The following LPL variants were observed in gnomAD, a reference collection of about 807,000 sequenced individuals.
The protein encoded by LPL is phospholipase A1.
A neutral mutation model predicts 52.2 loss-of-function variants in LPL; 43 were observed. The ratio of observed to expected loss-of-function variants is 0.82; its 90% CI spans 0.64 to 1.06. LPL has a LOEUF of 1.06. Ranked by LOEUF, LPL falls within the 50% of genes least tolerant of loss-of-function variation. LPL has a pLI of 0.00. For missense variants in LPL, 639 were observed against 585.3 expected (o/e 1.09, Z -0.95); for synonymous variants, 244 against 215.6 (o/e 1.13, Z -1.15).
intron 1 of LPL, among the ~76,000 whole-genome samples, 184 bp from the exon 2 acceptor site, chr8:19,947,995 CT>C (rs2069897864): frequency 6.6e-6 from 1 of 152,166 alleles, no homozygotes; most frequent in Admixed American, 6.6e-5. Context: ...AAGGTTGTCT[CT>C]CTGTCAACTT....
chr8:19,941,642 C>A (rs1317640309), intron 1 of LPL, among the ~76,000 whole-genome samples: 1 of 152,148 alleles, frequency 6.6e-6, no homozygotes, highest in Non-Finnish European at 1.5e-5. Context: ...CCCTCCCATC[C>A]CCTCCACTTT....
chr8:19,945,630 C>CT (rs35739027), intron 1 of LPL, among the ~76,000 whole-genome samples: 3 of 152,080 alleles, frequency 2.0e-5, no homozygotes, highest in Non-Finnish European at 4.4e-5. Flanking sequence ...ATTGAATAGA[C>CT]TTTTTTTCAT....
intron 1 of LPL, among the ~76,000 whole-genome samples, chr8:19,946,350 G>A (rs181022779): frequency 2.8e-4 from 42 of 152,206 alleles, no homozygotes; most frequent in African/African-American, 8.9e-4. Flanking sequence ...ACGTGTGTGT[G>A]TATGTGTGTG....
At chr8:19,945,496 C>A (rs951799875) in intron 1 of LPL, among the ~76,000 whole-genome samples, 4 of 152,144 alleles carry the variant, frequency 2.6e-5, no homozygotes, top group African/African-American at 9.7e-5. Context: ...AAATGAAAGT[C>A]TCTAAATACA....
At chr8:19,949,849 A>G (rs750559023) in intron 2 of LPL, among the ~76,000 whole-genome samples, 1 of 152,342 alleles carries the variant, frequency 6.6e-6, no homozygotes, top group East Asian at 1.9e-4. Context: ...TTTTTCAAAA[A>G]ATCTGAGCTT....
intron 6 of LPL, 150 bp from the exon 7 acceptor site, chr8:19,959,110 T>G: frequency 1.1e-6 from 1 of 877,104 alleles, no homozygotes; most frequent in Non-Finnish European, 1.8e-6. Flanking sequence ...CATGATGAAG[T>G]CTTTCCAAGC....
intron 7 of LPL, among the ~76,000 whole-genome samples, chr8:19,960,372 T>A (rs765428337): frequency 6.6e-6 from 1 of 152,208 alleles, no homozygotes; most frequent in Non-Finnish European, 1.5e-5. Flanking sequence ...TCAATTACAG[T>A]CGTACCTATA....
At chr8:19,956,853 T>A (rs1029442828) in intron 6 of LPL, among the ~76,000 whole-genome samples, 7 of 152,262 alleles carry the variant, frequency 4.6e-5, no homozygotes, top group Admixed American at 3.9e-4. Flanking sequence ...TGAGATGAAG[T>A]CTAGCTTTCT....
At chr8:19,949,056 ACAGT>A (rs1563570245) in intron 2 of LPL, among the ~76,000 whole-genome samples, 2 of 152,340 alleles carry the variant, frequency 1.3e-5, no homozygotes, top group East Asian at 3.9e-4. Flanking sequence ...AATATGTCAC[ACAGT>A]CACTTTAGAT....
intron 6 of LPL, among the ~76,000 whole-genome samples, chr8:19,958,167 C>G (rs753011290): frequency 6.6e-6 from 1 of 151,904 alleles, no homozygotes; most frequent in Admixed American, 6.6e-5. Context: ...TACAGGCACC[C>G]GCCACCACGC....
At chr8:19,941,228 T>TG (rs2069836280) in intron 1 of LPL, among the ~76,000 whole-genome samples, 1 of 152,204 alleles carries the variant, frequency 6.6e-6, no homozygotes, top group Non-Finnish European at 1.5e-5. Context: ...ACATCTTAGG[T>TG]GGGGTATGTT....
Position 19,951,911 on chromosome 8 carries a change from T to G in LPL, c.392T>G (p.Val131Gly). 1 of 1,614,106 alleles carries G rather than the reference T, an allele frequency of 6.2e-7. No individual in the cohort carries two copies. The highest frequency in any genetic ancestry group is 2.2e-5 in the East Asian group (1 of 44,880). The change falls in exon 3 of 10, where the codon GTG becomes GGG. Residue 131 changes from valine (V) to glycine (G), a missense_variant. Transcript: ENST00000650287. Reference protein sequence around the residue: ...YPVSAGYTKLVGQDVARFINW... With the variant: ...YPVSAGYTKLGGQDVARFINW... ...GTGTCCGCGGGCTACACCAAACTGG[T>G]GGGACAGGATGTGGCCCGGTTTATC...
Position 19,966,156 on chromosome 8 carries a change from G to C in LPL, c.*846G>C, listed in dbSNP as rs886062798. 1.4e-4 allele frequency: 21 copies of C among 151,752 alleles called. No homozygotes were observed. The highest frequency in any genetic ancestry group is 2.4e-4 in the Non-Finnish European group (16 of 67,952). The allele number at this position is 151,752 out of a possible 1,614,324, so 9.4% of individuals were successfully genotyped here. A position where few individuals can be genotyped will look rare whatever the true frequency, so the allele number is the denominator to read the frequency against. ...AAAAGAAACCGTAATTTTATTATTA[G>C]ATTCTCCAAATGATTTTCATCAATT... On this transcript the variant is annotated 3_prime_UTR_variant, in exon 10 of 10. Transcript: ENST00000650287.
intron 4 of LPL, among the ~76,000 whole-genome samples, chr8:19,953,700 A>C (rs1213790327): frequency 1.5e-5 from 2 of 130,156 alleles, no homozygotes; most frequent in Admixed American, 1.5e-4. Context: ...TCCCACTCTC[A>C]GCTCTGTGTT....
In LPL at chr8:19,939,335, ACTTGCTCAGCG is replaced by A; in HGVS notation, c.-104_-94del. The stretch of plus-strand genomic sequence containing the variant: ...GCCCTGCCATCCCCTTTAAAGGGCG[ACTTGCTCAGCG>A]CCAAACCGCGGCTCCAGCCCTCTCC... On this transcript the variant is annotated 5_prime_UTR_variant, in exon 1 of 10. Transcript: ENST00000650287. The surrounding 1 kb of genome is among the most constrained non-coding windows in gnomAD (Gnocchi z 4.0). The A allele has an allele frequency of 9.3e-7, 1 of 1,073,292 alleles. No homozygotes were observed. Among genetic ancestry groups the A allele is most frequent in the Non-Finnish European group, 1.4e-6 (1 of 724,248 alleles). The allele number at this position is 1,073,292 out of a possible 1,614,324, so 66.5% of individuals were successfully genotyped here. A position where few individuals can be genotyped will look rare whatever the true frequency, so the allele number is the denominator to read the frequency against.
Position 19,955,989 on chromosome 8 carries a change from C to T in LPL, c.924C>T (p.Asn308=). ...EKGLCLSCRK[N]RCNNLGYEIN... Reference sequence around the variant, plus strand: ...GGCTCTGCTTGAGTTGTAGAAAGAACCGCTGCAACAATCTGGGCTATGAGA... The same window carrying T: ...GGCTCTGCTTGAGTTGTAGAAAGAATCGCTGCAACAATCTGGGCTATGAGA... The change falls in exon 6 of 10, where the codon AAC becomes AAT. Residue 308 remains asparagine (N), a synonymous_variant. Coordinates refer to ENST00000650287, the MANE Select transcript of LPL (RefSeq NM_000237.3). 2 of 1,614,174 alleles carry T rather than the reference C, an allele frequency of 1.2e-6. No homozygotes were observed. Among genetic ancestry groups the T allele is most frequent in the Non-Finnish European group, 1.7e-6 (2 of 1,180,030 alleles).
In LPL at chr8:19,940,918, C is replaced by T. The variant is rs576227209; in HGVS notation, c.88+1390C>T. Among the ~76,000 whole-genome samples, 6 of 151,304 alleles carry T rather than the reference C, an allele frequency of 4.0e-5. No homozygotes were observed. In the South Asian group the frequency reaches 1.3e-3, roughly 32 times the overall value. ...TCAGCCTGGGCAACATAGGGAGACA[C>T]CGTCTCTATAAAAAAAAAATACAAA... On this transcript the variant is annotated intron_variant, in intron 1 of 9. Coordinates refer to ENST00000650287, the MANE Select transcript of LPL (RefSeq NM_000237.3).
Position 19,959,476 on chromosome 8 carries a change from A to G in LPL, c.1139+96A>G. On this transcript the variant is annotated intron_variant, in intron 7 of 9. Coordinates refer to ENST00000650287, the MANE Select transcript of LPL (RefSeq NM_000237.3). Reference sequence around the variant, plus strand: ...AGAAGCAGAGAGCGATGCCTAGAAAACAAGTCTTTAGTTAAAAAAATCAGA... The same window carrying G: ...AGAAGCAGAGAGCGATGCCTAGAAAGCAAGTCTTTAGTTAAAAAAATCAGA... 2.1e-6 allele frequency: 3 copies of G among 1,448,078 alleles called. No homozygotes were observed. The South Asian group carries it at 3.9e-5, about 19-fold the overall frequency. 89.7% of individuals were successfully genotyped at this position (1,448,078 alleles called of 1,614,324 possible). A position where few individuals can be genotyped will look rare whatever the true frequency, so the allele number is the denominator to read the frequency against.
chr8:19,943,023 C>A (rs1430857349), intron 1 of LPL, among the ~76,000 whole-genome samples: 2 of 152,142 alleles, frequency 1.3e-5, no homozygotes, highest in Admixed American at 6.5e-5. Context: ...AAAACGTCTC[C>A]CACCATTATT....
Sources: gnomAD v4.1 joint callset for allele counts (sites outside exome capture counted in the v4.1 genomes callset) on GRCh38, gnomAD v4.1.1 for gene constraint, Gnocchi (gnomAD v3.1) non-coding constraint, MANE v1.5 for transcripts, NCBI Gene and HGNC (gene_info 2026-07-23, HGNC 2026-07-21) for gene names.